Variants in CEP112 observed in about 807,000 individuals in gnomAD.
CEP112 encodes the protein centrosomal protein 112.
In CEP112, 127 loss-of-function variants were observed where a neutral mutation model predicts 153.0. The ratio of observed to expected loss-of-function variants is 0.83; its 90% CI spans 0.72 to 0.96. The LOEUF is 0.96. CEP112 is among the 40% of genes least tolerant of loss of function. CEP112 has a pLI of 0.00. For synonymous variants in CEP112, 358 were observed against 374.4 expected, an observed-to-expected ratio of 0.96 and a Z score of 0.51; for missense variants, 1,089 against 1,101.2, an observed-to-expected ratio of 0.99 and a Z score of 0.16.
chr17:65,668,820 G>A lies in CEP112; in HGVS notation c.2697+20309C>T, dbSNP rs543224612. Among the ~76,000 whole-genome samples the A allele has an allele frequency of 2.2e-3, 331 of 152,160 alleles. 2 individuals are homozygous for A. The highest frequency in any genetic ancestry group is 3.1e-3 in the East Asian group (16 of 5,172). ...AGTCACTTTTGAACAGGCTGTTTTCGACTGCCAGGCAAGCACCACACAAAA... is the reference window on the plus strand; with the variant it reads ...AGTCACTTTTGAACAGGCTGTTTTCAACTGCCAGGCAAGCACCACACAAAA... On this transcript the variant is annotated intron_variant, in intron 24 of 26. Transcript: ENST00000535342.
At chr17:65,644,252 C>T (rs2143423147) in intron 24 of CEP112, 1 of 616,182 alleles carries the variant, frequency 1.6e-6, no homozygotes, top group Non-Finnish European at 2.9e-6. Flanking sequence ...TTCTTACATC[C>T]TTATCTGTTT....
rs575024056 is a variant in CEP112 at position 66,157,934 on chromosome 17, T to C, written c.470+17110A>G. ...AGAGACTTAGACTCCCACACAAGAA[T>C]AGTGGGAGACTTTAACAGCCCACTG... On this transcript the variant is annotated intron_variant, in intron 4 of 26. Transcript: ENST00000535342. 2.0e-5 allele frequency among the ~76,000 whole-genome samples: 3 copies of C among 152,142 alleles called. 1 individual carries two copies. The highest frequency in any genetic ancestry group is 2.0e-4 in the Admixed American group (3 of 15,284).
chr17:65,750,513 T>C (rs2051758006), intron 22 of CEP112, 149 bp downstream of exon 22: 1 of 635,832 alleles, frequency 1.6e-6, no homozygotes, highest in Non-Finnish European at 2.8e-6. Flanking sequence ...AACCATATTG[T>C]TTATTTGTAT....
intron 12 of CEP112, among the ~76,000 whole-genome samples, chr17:66,033,754 G>A (rs1472962739): frequency 1.3e-5 from 2 of 151,748 alleles, no homozygotes; most frequent in East Asian, 3.9e-4. Flanking sequence ...TTTCTTTGTT[G>A]TTTGTTTTCC....
chr17:65,889,891 C>T (rs1172608604), intron 20 of CEP112, among the ~76,000 whole-genome samples: 1 of 152,078 alleles, frequency 6.6e-6, no homozygotes, highest in Non-Finnish European at 1.5e-5. Context: ...CACCCAGGCT[C>T]CAGTCTCACT....
intron 24 of CEP112, among the ~76,000 whole-genome samples, chr17:65,676,587 G>A (rs2047244065): frequency 6.6e-6 from 1 of 152,106 alleles, no homozygotes; most frequent in Non-Finnish European, 1.5e-5. Flanking sequence ...AACTTCACAA[G>A]GGCAAAGATT....
intron 21 of CEP112, among the ~76,000 whole-genome samples, chr17:65,799,599 C>A (rs2145808273): frequency 6.6e-6 from 1 of 152,298 alleles, no homozygotes; most frequent in South Asian, 2.1e-4. Context: ...ACAACTGTGG[C>A]AATAGTCAAA....
intron 23 of CEP112, among the ~76,000 whole-genome samples, chr17:65,706,232 C>T (rs780837133): frequency 1.3e-5 from 2 of 152,140 alleles, no homozygotes; most frequent in Non-Finnish European, 2.9e-5. Context: ...TTGGGAAAAG[C>T]CTTGAATAAT....
At chr17:65,678,959 T>C (rs907899460) in intron 24 of CEP112, among the ~76,000 whole-genome samples, 1 of 152,072 alleles carries the variant, frequency 6.6e-6, no homozygotes, top group Non-Finnish European at 1.5e-5. Context: ...CCTTTAAAAA[T>C]GGCATTGCAA....
At chr17:66,107,625 C>T (rs868315870) in intron 6 of CEP112, among the ~76,000 whole-genome samples, 5 of 151,862 alleles carry the variant, frequency 3.3e-5, no homozygotes, top group Admixed American at 2.0e-4. Flanking sequence ...CTATAAAACA[C>T]TAATGCAAGA....
chr17:65,890,792 A>G (rs540774291), intron 20 of CEP112, among the ~76,000 whole-genome samples: 2 of 146,570 alleles, frequency 1.4e-5, no homozygotes. Context: ...TGATTAAATC[A>G]TCACAACAAT....
At chr17:65,957,037 G>A (rs1344932399) in intron 18 of CEP112, among the ~76,000 whole-genome samples, 4 of 152,002 alleles carry the variant, frequency 2.6e-5, no homozygotes, top group Non-Finnish European at 5.9e-5. Flanking sequence ...AGAGCAGGAC[G>A]GCATGAGATT....
intron 4 of CEP112, among the ~76,000 whole-genome samples, chr17:66,139,545 C>T (rs1287468378): frequency 2.6e-5 from 4 of 151,828 alleles, no homozygotes; most frequent in South Asian, 2.1e-4. Flanking sequence ...GATGTCAAGG[C>T]GGCAGTGAGC....
intron 8 of CEP112, among the ~76,000 whole-genome samples, chr17:66,071,914 T>C (rs2067320384): frequency 6.6e-6 from 1 of 152,208 alleles, no homozygotes; most frequent in Non-Finnish European, 1.5e-5. Flanking sequence ...GTGTATCTTT[T>C]TATTTTATGT....
intron 12 of CEP112, among the ~76,000 whole-genome samples, chr17:66,038,999 G>A (rs2873908): frequency 0.93 from 140,918 of 152,132 alleles, 65,497 homozygotes; most frequent in East Asian, 0.97. Context: ...AGCAGATCCA[G>A]GAAAATTTTC....
intron 21 of CEP112, among the ~76,000 whole-genome samples, chr17:65,751,750 T>C (rs1264275373): frequency 6.6e-6 from 1 of 152,210 alleles, no homozygotes; most frequent in Non-Finnish European, 1.5e-5. Context: ...TTCCCAACAG[T>C]TCCTTTTTGT....
chr17:65,845,453 C>T (rs8065831), intron 21 of CEP112, among the ~76,000 whole-genome samples: 1,549 of 152,216 alleles, frequency 0.01, 34 homozygotes, highest in African/African-American at 0.036. Context: ...AGCAAGAGAT[C>T]AAATTAATTA....
chr17:66,121,724 G>A (rs1186742262), intron 6 of CEP112, among the ~76,000 whole-genome samples: 2 of 151,222 alleles, frequency 1.3e-5, no homozygotes, highest in Non-Finnish European at 1.5e-5. Context: ...TTTTAGAGAT[G>A]GGGGTCTCAC....
At chr17:66,154,751 AAC>A (rs1381559050) in intron 4 of CEP112, among the ~76,000 whole-genome samples, 1 of 141,404 alleles carries the variant, frequency 7.1e-6, no homozygotes, top group African/African-American at 2.5e-5. Flanking sequence ...AACAAAAAAA[AAC>A]AACAGAGTCA....
Sources: gnomAD v4.1 joint callset for allele counts (sites outside exome capture counted in the v4.1 genomes callset) on GRCh38, gnomAD v4.1.1 for gene constraint, MANE v1.5 for transcripts, NCBI Gene and HGNC (gene_info 2026-07-23, HGNC 2026-07-21) for gene names.